MYO1H: variants seen among roughly 807,000 people sequenced by gnomAD.
The protein encoded by MYO1H is myosin IH, also known as unconventional myosin-Ih.
In MYO1H, 118 loss-of-function variants were observed where a neutral mutation model predicts 149.3. The observed-to-expected ratio is 0.79, with a 90% confidence interval of 0.68 to 0.92. The LOEUF is 0.92. Among genes scored for constraint, MYO1H ranks in the 40% least tolerant of loss-of-function variants. The probability of loss-of-function intolerance (pLI) is 0.00; values close to 1 mark genes in which losing one functional copy is unlikely to be tolerated. For missense variants in MYO1H, 1,212 were observed against 1,280.7 expected, an observed-to-expected ratio of 0.95 and a Z score of 0.82; for synonymous variants, 447 against 465.2, an observed-to-expected ratio of 0.96 and a Z score of 0.50.
intron 7 of MYO1H, among the ~76,000 whole-genome samples, chr12:109,405,084 A>G (rs1040603574): frequency 2.6e-5 from 4 of 151,882 alleles, no homozygotes; most frequent in Non-Finnish European, 1.5e-5. Context: ...ATGGTGGTGC[A>G]TGCCTGTAGT....
At chr12:109,312,118 A>G in the MYO1H span, among the ~76,000 whole-genome samples, 1 of 152,250 alleles carries the variant, frequency 6.6e-6, no homozygotes, top group Non-Finnish European at 1.5e-5. Context: ...TGCAATGTGT[A>G]GAAACAGTGT....
chr12:109,376,638 T>A (rs1426390168), intron 1 of MYO1H, among the ~76,000 whole-genome samples: 1 of 152,240 alleles, frequency 6.6e-6, no homozygotes, highest in African/African-American at 2.4e-5. Context: ...CTCTCTATTC[T>A]GTTACACTGG....
chr12:109,444,624 T>C, intron 30 of MYO1H, 95 bp downstream of exon 30: 2 of 967,940 alleles, frequency 2.1e-6, no homozygotes, highest in Admixed American at 2.0e-5. Context: ...CCCAGCACTT[T>C]GGGAGGCTGA....
intron 5 of MYO1H, 73 bp downstream of exon 5, chr12:109,397,885 C>G: frequency 8.7e-7 from 1 of 1,147,554 alleles, no homozygotes; most frequent in Non-Finnish European, 1.2e-6. Flanking sequence ...AGCCAAGGCC[C>G]CTTAAGGGGA....
the MYO1H span, among the ~76,000 whole-genome samples, chr12:109,320,382 G>C: frequency 6.6e-6 from 1 of 151,308 alleles, no homozygotes; most frequent in Non-Finnish European, 1.5e-5. Context: ...GGCCAAGGTG[G>C]GGGGATCACT....
At position 109,420,592 on chromosome 12, in the gene MYO1H, A is replaced by AGG. The variant is rs1238272813; in HGVS notation, c.1598-385_1598-384dup. 2.6e-5 allele frequency among the ~76,000 whole-genome samples: 4 copies of AGG among 152,304 alleles called. No homozygotes were observed. In the East Asian group the frequency reaches 7.7e-4, roughly 29 times the overall value. On this transcript the variant is annotated intron_variant, in intron 15 of 31. Coordinates refer to ENST00000310903, the Ensembl canonical transcript of MYO1H. ...CCTGAGAACTATCATGAGAACAGCGAGGGGGACATCTGTCCCCATGATCCA... is the reference window on the plus strand; with the variant it reads ...CCTGAGAACTATCATGAGAACAGCGAGGGGGGGACATCTGTCCCCATGATCCA...
At chr12:109,410,541 A>G (rs758195598) in intron 12 of MYO1H, 147 bp from the exon 13 acceptor site, 55 of 648,140 alleles carry the variant, frequency 8.5e-5, no homozygotes, top group Non-Finnish European at 3.8e-5. Flanking sequence ...CTGGGAAATT[A>G]TTTTGATATT....
At chr12:109,434,638 A>G (rs11066567) in intron 20 of MYO1H, among the ~76,000 whole-genome samples, 7,901 of 152,310 alleles carry the variant, frequency 0.052, 284 homozygotes, top group South Asian at 0.11. Flanking sequence ...AAAGTGGCTG[A>G]TTTAAAACAA....
At chr12:109,359,982 GTCCTGT>G (rs748890440) in intron 1 of MYO1H, among the ~76,000 whole-genome samples, 45 of 152,306 alleles carry the variant, frequency 3.0e-4, no homozygotes, top group Non-Finnish European at 5.7e-4. Flanking sequence ...CGCGACCTCT[GTCCTGT>G]TCCGGCGGCC....
chr12:109,415,521 C>A lies in MYO1H; in HGVS notation c.1503-5C>A. 6.3e-7 allele frequency: 1 copy of A among 1,598,586 alleles called. No individual in the cohort carries two copies. Among genetic ancestry groups the A allele is most frequent in the Non-Finnish European group, 8.5e-7 (1 of 1,172,678 alleles). ...GTTCAACTCGTGTCTATTTCTGTCT[C>A]GTAGCCGTAAGCTGGCTGGTCCAAA... is the stretch of plus-strand genomic sequence containing the variant. On this transcript the variant is annotated splice_region_variant and splice_polypyrimidine_tract_variant and intron_variant, in intron 14 of 31. Transcript: ENST00000310903.
At chr12:109,370,191 T>G (rs964969446) in intron 1 of MYO1H, among the ~76,000 whole-genome samples, 1 of 152,198 alleles carries the variant, frequency 6.6e-6, no homozygotes, top group African/African-American at 2.4e-5. Flanking sequence ...CAGGCCCATT[T>G]CTGTCTTGCC....
rs56146617 is a variant in MYO1H at position 109,368,640 on chromosome 12, T to TAAAAA, written c.13-20027_13-20023dup. Among the ~76,000 whole-genome samples, 874 of 113,074 alleles carry TAAAAA rather than the reference T, an allele frequency of 7.7e-3. 8 individuals are homozygous for TAAAAA. Among genetic ancestry groups the TAAAAA allele is most frequent in the East Asian group, 0.031 (108 of 3,532 alleles). The allele number at this position is 113,074 out of a possible 152,430, so 74.2% of individuals were successfully genotyped here. On this transcript the variant is annotated intron_variant, in intron 1 of 31. Transcript: ENST00000310903. ...TGGGCAACAAAGCAAGACTCCATCT[T>TAAAAA]AAAAAAAAAAAAAAAAAAAAGGGTT...
At chr12:109,444,719 T>G (rs1566046230) in intron 30 of MYO1H, among the ~76,000 whole-genome samples, 190 bp downstream of exon 30, 1 of 151,984 alleles carries the variant, frequency 6.6e-6, no homozygotes, top group Non-Finnish European at 1.5e-5. Context: ...ATACAAAGAT[T>G]AGCCGGGTTT....
In MYO1H at chr12:109,411,526, A is replaced by T. The variant is rs976251209; in HGVS notation, c.1411-368A>T. Among the ~76,000 whole-genome samples, 4 of 152,246 alleles carry T rather than the reference A, an allele frequency of 2.6e-5. No homozygotes were observed. The East Asian group carries it at 7.7e-4, about 29-fold the overall frequency. On this transcript the variant is annotated intron_variant, in intron 13 of 31. Transcript: ENST00000310903. ...TAACTGGTTTTATACCTTTCTTTCC[A>T]TGAGGGCTTTTCTTCTACAACAAGA...
chr12:109,333,822 G>A, the MYO1H span, among the ~76,000 whole-genome samples: 1 of 152,042 alleles, frequency 6.6e-6, no homozygotes, highest in Admixed American at 6.6e-5. Flanking sequence ...GGTTATGATG[G>A]GTTTATCAGG....
intron 18 of MYO1H, 112 bp downstream of exon 18, chr12:109,426,163 T>C: frequency 2.7e-6 from 2 of 728,820 alleles, no homozygotes; most frequent in Admixed American, 4.2e-5. Flanking sequence ...CGATGTCCTC[T>C]GGATGTGAAT....
chr12:109,407,484 C>T (rs992384008), intron 9 of MYO1H, among the ~76,000 whole-genome samples: 1 of 151,162 alleles, frequency 6.6e-6, no homozygotes, highest in Admixed American at 6.7e-5. Context: ...AACACTAGTT[C>T]AAGACTGTGT....
chr12:109,419,803 C>A (rs893343930), intron 15 of MYO1H, among the ~76,000 whole-genome samples: 1 of 151,760 alleles, frequency 6.6e-6, no homozygotes, highest in Non-Finnish European at 1.5e-5. Flanking sequence ...TCGAGCTATC[C>A]TCCCACCTCA....
intron 1 of MYO1H, among the ~76,000 whole-genome samples, chr12:109,374,256 A>G (rs1259992239): frequency 6.6e-6 from 1 of 152,134 alleles, no homozygotes; most frequent in Admixed American, 6.5e-5. Context: ...TAAAAAGAAT[A>G]TGGATTCTGG....
Sources: gnomAD v4.1 joint callset for allele counts (sites outside exome capture counted in the v4.1 genomes callset) on GRCh38, gnomAD v4.1.1 for gene constraint, MANE v1.5 for transcripts, NCBI Gene and HGNC (gene_info 2026-07-23, HGNC 2026-07-21) for gene names.